DMD: variants seen among roughly 807,000 people sequenced by gnomAD.
DMD encodes the protein mutant dystrophin.
DMD carries 63 observed loss-of-function variants against 330.1 expected under a neutral mutation model. That is an observed-to-expected ratio of 0.19 (90% CI 0.16 to 0.24). DMD has a LOEUF of 0.24. Ranked by LOEUF, DMD falls within the 10% of genes least tolerant of loss-of-function variation. The probability of loss-of-function intolerance (pLI) is 1.00; values close to 1 mark genes in which losing one functional copy is unlikely to be tolerated. For synonymous variants in DMD, 1,223 were observed against 959.8 expected, an observed-to-expected ratio of 1.27 and a Z score of -5.07; for missense variants, 3,344 against 2,684.1, an observed-to-expected ratio of 1.25 and a Z score of -5.43.
At chrX:32,718,238 G>C (rs1420858854) in intron 7 of DMD, among the ~76,000 whole-genome samples, 1 of 111,286 alleles carries the variant, frequency 9.0e-6, no homozygotes, top group African/African-American at 3.3e-5. Flanking sequence ...TATTGAATGA[G>C]GCGCCTGGTG....
intron 52 of DMD, among the ~76,000 whole-genome samples, chrX:31,704,172 A>G (rs66536522): frequency 0.15 from 17,086 of 111,546 alleles, 1,150 homozygotes; most frequent in Admixed American, 0.32. Context: ...CTTATCCTAA[A>G]AATCTACAAA....
chrX:33,012,822 T>C (rs916440227), intron 2 of DMD, among the ~76,000 whole-genome samples: 7 of 111,320 alleles, frequency 6.3e-5, no homozygotes, highest in African/African-American at 2.3e-4. Context: ...AAGGCATTTT[T>C]GACTTGTGAT....
intron 74 of DMD, among the ~76,000 whole-genome samples, chrX:31,151,695 G>A (rs1345391162): frequency 8.9e-6 from 1 of 112,579 alleles, no homozygotes; most frequent in Non-Finnish European, 1.9e-5. Context: ...GCTCAATGCA[G>A]GCCTTTCTTT....
At chrX:31,854,406 C>T (rs1480596711) in intron 48 of DMD, among the ~76,000 whole-genome samples, 1 of 111,602 alleles carries the variant, frequency 9.0e-6, no homozygotes, top group Admixed American at 9.5e-5. Flanking sequence ...TGATTTAGTA[C>T]ATGTAAAGGT....
intron 60 of DMD, among the ~76,000 whole-genome samples, chrX:31,369,444 G>T (rs2059429120): frequency 8.9e-6 from 1 of 112,258 alleles, no homozygotes; most frequent in Non-Finnish European, 1.9e-5. Context: ...TTAAGAGATG[G>T]CTTGGGGATA....
intron 37 of DMD, among the ~76,000 whole-genome samples, chrX:32,361,563 T>G (rs2147216830): frequency 8.9e-6 from 1 of 111,743 alleles, no homozygotes; most frequent in South Asian, 3.7e-4. Context: ...TTTTGAAGGG[T>G]AACTGTGTCT....
intron 67 of DMD, among the ~76,000 whole-genome samples, chrX:31,199,946 T>C (rs991920275): frequency 6.3e-5 from 7 of 111,977 alleles, no homozygotes; most frequent in African/African-American, 2.0e-4. Context: ...AAACATTGTA[T>C]TTTTATGCAC....
At chrX:31,254,989 G>A (rs2049785051) in intron 63 of DMD, among the ~76,000 whole-genome samples, 1 of 104,611 alleles carries the variant, frequency 9.6e-6, no homozygotes, top group African/African-American at 3.5e-5. Context: ...AAGCTGCAGT[G>A]AGCCATGATC....
intron 44 of DMD, among the ~76,000 whole-genome samples, chrX:32,173,480 C>G (rs1452570439): frequency 9.1e-6 from 1 of 110,411 alleles, no homozygotes; most frequent in African/African-American, 3.3e-5. Context: ...TCAAGTGATT[C>G]TCCTGCCTCA....
chrX:32,628,258 A>AT (rs1170760390), intron 11 of DMD, among the ~76,000 whole-genome samples: 501 of 15,333 alleles, frequency 0.033, 166 homozygotes, highest in Middle Eastern at 0.05. Flanking sequence ...AGTTGTTTTA[A>AT]TTTTTTTTTT....
intron 61 of DMD, among the ~76,000 whole-genome samples, chrX:31,341,891 G>GCGCGCGCGCGCACACACACACACA (rs374298104): frequency 2.9e-3 from 287 of 98,870 alleles, no homozygotes; most frequent in Middle Eastern, 0.011. Flanking sequence ...GTGCGCGCGC[G>GCGCGCGCGCGCACACACACACACA]CACACACACA....
intron 9 of DMD, among the ~76,000 whole-genome samples, chrX:32,695,469 C>T (rs749828576): frequency 3.1e-4 from 34 of 111,115 alleles, no homozygotes; most frequent in African/African-American, 9.5e-4. Context: ...TAAATCTTTT[C>T]GAGGCAGTTT....
At chrX:33,338,484 T>TA (rs1221759343) in intron 1 of DMD, among the ~76,000 whole-genome samples, 6 of 109,193 alleles carry the variant, frequency 5.5e-5, no homozygotes, top group African/African-American at 2.0e-4. Context: ...AATAAATAAA[T>TA]AAATAAATAA....
chrX:32,267,231 T>G (rs1412468876), intron 43 of DMD, among the ~76,000 whole-genome samples: 1 of 112,454 alleles, frequency 8.9e-6, no homozygotes, highest in Non-Finnish European at 1.9e-5. Context: ...CATCCAGCCT[T>G]GTTCATGTCT....
At position 32,573,359 on chromosome X, in the gene DMD, T is replaced by C. The variant is rs754434259; in HGVS notation, c.1812+171A>G. Among the ~76,000 whole-genome samples, 9 of 112,074 alleles carry C rather than the reference T, an allele frequency of 8.0e-5. No homozygotes were observed. In the East Asian group the frequency reaches 2.0e-3, roughly 24 times the overall value. ...AAAAACAAAGTTGAAAATCCACCTATAGTTTTTTCCCACTTTAATTCAGAA... is the reference window on the plus strand; with the variant it reads ...AAAAACAAAGTTGAAAATCCACCTACAGTTTTTTCCCACTTTAATTCAGAA... On this transcript the variant is annotated intron_variant, in intron 15 of 78. Coordinates refer to ENST00000357033, the MANE Select transcript of DMD (RefSeq NM_004006.3).
At chrX:31,377,428 A>G (rs1418342974) in intron 60 of DMD, among the ~76,000 whole-genome samples, 2 of 112,284 alleles carry the variant, frequency 1.8e-5, no homozygotes, top group Non-Finnish European at 3.8e-5. Context: ...TCTAGCAGAA[A>G]TGTGGAAGAA....
chrX:32,433,810 T>C (rs1011912483), intron 29 of DMD, among the ~76,000 whole-genome samples: 8 of 112,270 alleles, frequency 7.1e-5, no homozygotes, highest in African/African-American at 2.6e-4. Flanking sequence ...CCAATATTAT[T>C]ATTCATTTTG....
chrX:32,423,406 TTAAA>T (rs1234662432), intron 29 of DMD, among the ~76,000 whole-genome samples: 2 of 110,032 alleles, frequency 1.8e-5, no homozygotes, highest in Non-Finnish European at 3.8e-5. Flanking sequence ...AGAGTGAATA[TTAAA>T]TACTTAAATA....
intron 6 of DMD, among the ~76,000 whole-genome samples, chrX:32,811,202 A>G (rs1046646412): frequency 1.9e-5 from 2 of 107,198 alleles, no homozygotes; most frequent in African/African-American, 6.9e-5. Flanking sequence ...AAAAATAGCC[A>G]AGTGTGCTGG....
Sources: allele counts gnomAD v4.1 joint callset (sites outside exome capture counted in the v4.1 genomes callset), GRCh38; gene constraint gnomAD v4.1.1; transcripts MANE v1.5; gene names NCBI Gene and HGNC (gene_info 2026-07-23, HGNC 2026-07-21).